The following TNKS variants were observed in gnomAD, a reference collection of about 807,000 sequenced individuals.
TNKS encodes poly [ADP-ribose] polymerase tankyrase-1.
Under a neutral mutation model 135.8 loss-of-function variants are expected in TNKS, and 72 were observed. The observed-to-expected ratio is 0.53, with a 90% CI of 0.44 to 0.64. The LOEUF (loss-of-function observed/expected upper bound fraction) is 0.64, where lower values mean the gene tolerates loss of function less well. TNKS is among the 30% of genes least tolerant of loss of function. The pLI is 0.00. For synonymous variants in TNKS, 849 were observed against 649.3 expected (o/e 1.31, Z -4.68); for missense variants, 1,769 against 1,674.0 (o/e 1.06, Z -0.99).
intron 5 of TNKS, among the ~76,000 whole-genome samples, chr8:9,703,093 C>T (rs1028823232): frequency 1.3e-5 from 2 of 152,110 alleles, no homozygotes; most frequent in African/African-American, 2.4e-5. Context: ...CCCTTATCCT[C>T]GGGAGATAAC....
chr8:9,645,784 A>G (rs1800897345), intron 3 of TNKS, among the ~76,000 whole-genome samples: 1 of 152,240 alleles, frequency 6.6e-6, no homozygotes, highest in East Asian at 1.9e-4. Context: ...GTATTTTTTG[A>G]AACTTACTTT....
intron 3 of TNKS, among the ~76,000 whole-genome samples, chr8:9,652,289 A>G (rs924636755): frequency 3.9e-5 from 6 of 152,204 alleles, no homozygotes; most frequent in Non-Finnish European, 8.8e-5. Context: ...ATCGATCTCA[A>G]TAAGGTTCTA....
chr8:9,580,048 T>C (rs1798109256), intron 1 of TNKS, 111 bp from the exon 2 acceptor site: 1 of 818,260 alleles, frequency 1.2e-6, no homozygotes. Flanking sequence ...CCATTTACTA[T>C]AGAGTGCAGT....
At chr8:9,654,916 A>G (rs1190526526) in intron 3 of TNKS, among the ~76,000 whole-genome samples, 1 of 152,210 alleles carries the variant, frequency 6.6e-6, no homozygotes, top group Non-Finnish European at 1.5e-5. Flanking sequence ...AGTGGGTGCA[A>G]CGCACCATGC....
chr8:9,769,962 T>TCCCATTC, intron 25 of TNKS, 144 bp from the exon 26 acceptor site: 1 of 679,664 alleles, frequency 1.5e-6, no homozygotes, highest in East Asian at 2.8e-5. Context: ...TCAAATTCCA[T>TCCCATTC]CCCATTCCTA....
intron 1 of TNKS, among the ~76,000 whole-genome samples, chr8:9,567,025 A>G (rs898610782): frequency 2.0e-5 from 3 of 152,220 alleles, no homozygotes; most frequent in Non-Finnish European, 2.9e-5. Flanking sequence ...ACTCAAATGG[A>G]AAGTTGATAG....
chr8:9,761,417 A>C lies in TNKS; in HGVS notation c.3154-99A>C. ...ATAAAGGGAACAAAAGAATTTTCTTAATTTGAATGGTACTCGTAGCATTGA... is the reference window on the plus strand; with the variant it reads ...ATAAAGGGAACAAAAGAATTTTCTTCATTTGAATGGTACTCGTAGCATTGA... On this transcript the variant is annotated intron_variant, in intron 20 of 26. Transcript: ENST00000310430. 5.5e-6 allele frequency: 7 copies of C among 1,270,988 alleles called. No individual in the cohort carries two copies. In the South Asian group the frequency reaches 6.9e-5, roughly 13 times the overall value. 78.7% of individuals were successfully genotyped at this position (1,270,988 alleles called of 1,614,324 possible).
At position 9,726,621 on chromosome 8, in the gene TNKS, C is replaced by T. The variant is rs965840122; in HGVS notation, c.1922-20C>T. ...ATGAGTTTGGATATATATATGAGTT[C>T]TTTCCTTCCTTTTATGCAGAGAGTA... On this transcript the variant is annotated intron_variant, in intron 12 of 26. Coordinates refer to ENST00000310430, the MANE Select transcript of TNKS (RefSeq NM_003747.3). The T allele has an allele frequency of 1.9e-6, 3 of 1,580,682 alleles. No individual in the cohort carries two copies. The highest frequency in any genetic ancestry group is 1.4e-5 in the African/African-American group (1 of 73,688).
chr8:9,592,052 T>G (rs1798609534), intron 2 of TNKS, among the ~76,000 whole-genome samples: 1 of 152,202 alleles, frequency 6.6e-6, no homozygotes, highest in African/African-American at 2.4e-5. Context: ...TTTTAAGATT[T>G]AACAGTAAAA....
intron 12 of TNKS, among the ~76,000 whole-genome samples, chr8:9,723,363 A>C (rs148942818): frequency 6.6e-6 from 1 of 152,150 alleles, no homozygotes; most frequent in East Asian, 1.9e-4. Context: ...GATGTATAGT[A>C]ATTTGTTTTG....
chr8:9,751,856 C>A lies in TNKS; in HGVS notation c.3070+10C>A. ...AGGAAGGAAGGAGAAGGTGAGTAGA[C>A]CCCATGAATGCTTATTTATTTATAC... On this transcript the variant is annotated intron_variant, in intron 19 of 26. Coordinates refer to ENST00000310430, the MANE Select transcript of TNKS (RefSeq NM_003747.3). 1.2e-6 allele frequency: 2 copies of A among 1,610,544 alleles called. No homozygotes were observed. The highest frequency in any genetic ancestry group is 1.7e-6 in the Non-Finnish European group (2 of 1,176,872).
intron 3 of TNKS, among the ~76,000 whole-genome samples, chr8:9,666,593 G>A (rs909078736): frequency 1.3e-5 from 2 of 151,966 alleles, no homozygotes; most frequent in African/African-American, 2.4e-5. Context: ...GGTGGCTCAC[G>A]CCTGTAGTCC....
chr8:9,748,836 A>G (rs557664534), intron 18 of TNKS, among the ~76,000 whole-genome samples: 1 of 152,240 alleles, frequency 6.6e-6, no homozygotes, highest in African/African-American at 2.4e-5. Flanking sequence ...TGGCTAGGAG[A>G]TTCTTCTGGT....
At chr8:9,767,518 C>T (rs1807528515) in intron 25 of TNKS, among the ~76,000 whole-genome samples, 1 of 152,148 alleles carries the variant, frequency 6.6e-6, no homozygotes, top group Admixed American at 6.5e-5. Flanking sequence ...AGAAAAGCCC[C>T]AGTAACCTTG....
At chr8:9,639,608 A>G (rs1800648387) in intron 3 of TNKS, among the ~76,000 whole-genome samples, 1 of 150,604 alleles carries the variant, frequency 6.6e-6, no homozygotes, top group East Asian at 2.0e-4. Flanking sequence ...TATATTTACT[A>G]TGTTTTAGAT....
In TNKS at chr8:9,561,423, T is replaced by C. The variant is rs80060559; in HGVS notation, c.673+4811T>C. 9.0e-3 allele frequency among the ~76,000 whole-genome samples: 1,369 copies of C among 152,342 alleles called. 16 individuals are homozygous for C. Among genetic ancestry groups the C allele is most frequent in the African/African-American group, 0.031 (1,300 of 41,594 alleles). ...CACCATTCTGATGTTTTTTCCACTA[T>C]AGAATAAGAGTTGCCTGTTTTAGAA... On this transcript the variant is annotated intron_variant, in intron 1 of 26. Coordinates refer to ENST00000310430, the MANE Select transcript of TNKS (RefSeq NM_003747.3).
intron 3 of TNKS, among the ~76,000 whole-genome samples, chr8:9,617,290 A>G (rs1799681932): frequency 1.3e-5 from 2 of 152,204 alleles, no homozygotes; most frequent in Admixed American, 1.3e-4. Context: ...CACATCTACT[A>G]AAATTGACTT....
intron 17 of TNKS, among the ~76,000 whole-genome samples, chr8:9,747,302 C>T (rs1484838495): frequency 7.0e-6 from 1 of 142,590 alleles, no homozygotes; most frequent in Non-Finnish European, 1.5e-5. Flanking sequence ...TTTTCTCTCT[C>T]TCTCTTCTGT....
Position 9,735,071 on chromosome 8 carries a change from T to C in TNKS, c.2520T>C (p.Pro840=), listed in dbSNP as rs762589444. The change falls in exon 16 of 27, where the codon CCT becomes CCC. Residue 840 remains proline (P), a synonymous_variant. Coordinates refer to ENST00000310430, the MANE Select transcript of TNKS (RefSeq NM_003747.3). ...CRDTQGRNST[P]LHLAAGYNNL... is the part of the protein sequence containing the mutation. ...ACACCCAGGGCAGAAATTCAACCCCTCTGCACCTGGCAGGTAAGCGCCCCC... is the reference window on the plus strand; with the variant it reads ...ACACCCAGGGCAGAAATTCAACCCCCCTGCACCTGGCAGGTAAGCGCCCCC... 2 of 1,613,782 alleles carry C rather than the reference T, an allele frequency of 1.2e-6. No homozygotes were observed. Among genetic ancestry groups the C allele is most frequent in the South Asian group, 2.2e-5 (2 of 91,016 alleles).
Sources: allele counts gnomAD v4.1 joint callset (sites outside exome capture counted in the v4.1 genomes callset), GRCh38; gene constraint gnomAD v4.1.1; transcripts MANE v1.5; gene names NCBI Gene and HGNC (gene_info 2026-07-23, HGNC 2026-07-21).